Variants in PCDH15 observed in about 807,000 individuals in gnomAD.
PCDH15 encodes protocadherin-15.
Under a neutral mutation model 178.5 loss-of-function variants are expected in PCDH15, and 129 were observed. That is an observed-to-expected ratio of 0.72 (90% CI 0.63 to 0.84). PCDH15 has a LOEUF of 0.84. Ranked by LOEUF, PCDH15 falls within the 40% of genes least tolerant of loss-of-function variation. PCDH15 has a pLI of 0.00. For synonymous variants in PCDH15, 800 were observed against 732.0 expected (o/e 1.09, Z -1.50); for missense variants, 2,230 against 2,099.9 (o/e 1.06, Z -1.21).
intron 18 of PCDH15, among the ~76,000 whole-genome samples, chr10:54,027,443 T>A (rs1420865754): frequency 6.6e-6 from 1 of 152,058 alleles, no homozygotes. Context: ...AAAACTACTT[T>A]AAAGTTCATA....
chr10:54,904,170 CT>C (rs1207465886), intron 2 of PCDH15, among the ~76,000 whole-genome samples: 2 of 152,034 alleles, frequency 1.3e-5, no homozygotes, highest in African/African-American at 4.8e-5. Flanking sequence ...TTGTTTCCCC[CT>C]CTCTTCCTTT....
chr10:54,412,010 AC>A (rs1379154176), intron 3 of PCDH15, among the ~76,000 whole-genome samples: 6 of 152,052 alleles, frequency 3.9e-5, no homozygotes, highest in Non-Finnish European at 8.8e-5. Flanking sequence ...ACTTAGGGTG[AC>A]CTGTGCACAT....
intron 2 of PCDH15, among the ~76,000 whole-genome samples, chr10:55,526,135 G>A (rs1339636099): frequency 6.6e-6 from 1 of 151,840 alleles, no homozygotes; most frequent in East Asian, 1.9e-4. Context: ...CTGTGGACTG[G>A]AATAGGTTTT....
intron 2 of PCDH15, among the ~76,000 whole-genome samples, chr10:54,615,241 G>A (rs1004856186): frequency 5.9e-5 from 9 of 151,968 alleles, no homozygotes; most frequent in Non-Finnish European, 7.4e-5. Context: ...ATAGAAGGGG[G>A]TTATTTCTAT....
chr10:53,977,414 G>T (rs2090271396), intron 21 of PCDH15, among the ~76,000 whole-genome samples: 1 of 152,176 alleles, frequency 6.6e-6, no homozygotes, highest in African/African-American at 2.4e-5. Context: ...GCTGCATGTG[G>T]CCTATGGGCC....
Position 53,810,624 on chromosome 10 carries a change from G to A in PCDH15, c.4603C>T (p.Pro1535Ser). ...CCATATTCCTCCTGTCCAGCTGGTG[G>A]TAACAATCGACGGCGACTCCCATAT... The part of the protein sequence containing the change: ...PQYGSRRRLL[P>S]PAGQEEYGEV... Residue 1535 changes from proline to serine, a missense_variant, in exon 37 of 38, where the codon CCA (proline) becomes TCA (serine). Physicochemically the swap from Pro to Ser is moderately conservative, Grantham distance 74 (BLOSUM62 -1). Transcript: ENST00000644397. 1 of 1,613,744 alleles carries A rather than the reference G, an allele frequency of 6.2e-7. No homozygotes were observed. Among genetic ancestry groups the A allele is most frequent in the Non-Finnish European group, 8.5e-7 (1 of 1,179,796 alleles).
chr10:53,994,037 A>C (rs180978154), intron 21 of PCDH15, among the ~76,000 whole-genome samples: 1 of 152,256 alleles, frequency 6.6e-6, no homozygotes, highest in Non-Finnish European at 1.5e-5. Flanking sequence ...AATTTTATTT[A>C]AAAGAGCTTC....
At chr10:55,060,097 C>A (rs1263552320) in intron 2 of PCDH15, among the ~76,000 whole-genome samples, 1 of 151,912 alleles carries the variant, frequency 6.6e-6, no homozygotes, top group Non-Finnish European at 1.5e-5. Context: ...TAATAGAATA[C>A]ACATAAAATA....
rs117834718 is a variant in PCDH15 at position 54,665,174 on chromosome 10, C to A, written c.-28-884G>T. Among the ~76,000 whole-genome samples the A allele has an allele frequency of 6.7e-3, 1,013 of 151,782 alleles. 7 individuals carry two copies. The highest frequency in any genetic ancestry group is 0.01 in the Non-Finnish European group (684 of 67,922). On this transcript the variant is annotated intron_variant, in intron 1 of 37. Transcript: ENST00000644397. Reference sequence around the variant, plus strand: ...AAAAGAATGAATTAGCCAAAGGGGACAATAGTGATGGTAGAGGCTGTGATA... The same window carrying A: ...AAAAGAATGAATTAGCCAAAGGGGAAAATAGTGATGGTAGAGGCTGTGATA...
At chr10:54,198,042 A>C (rs1224385249) in intron 10 of PCDH15, among the ~76,000 whole-genome samples, 1 of 152,200 alleles carries the variant, frequency 6.6e-6, no homozygotes, top group Admixed American at 6.5e-5. Flanking sequence ...AGCCCATGGC[A>C]CAAAACGCTT....
intron 2 of PCDH15, among the ~76,000 whole-genome samples, chr10:55,582,618 A>ATTTT (rs1182758362): frequency 2.7e-4 from 24 of 88,122 alleles, no homozygotes; most frequent in African/African-American, 1.1e-3. Flanking sequence ...ATATATATAT[A>ATTTT]TATATATATA....
chr10:55,272,351 C>T (rs1440277223), intron 1 of PCDH15, among the ~76,000 whole-genome samples: 3 of 148,428 alleles, frequency 2.0e-5, no homozygotes, highest in Non-Finnish European at 4.5e-5. Context: ...TTTTATTGTG[C>T]CTTATTTTAT....
rs138299477 is a variant in PCDH15, at chr10:54,236,864, G to T, written c.944C>A (p.Pro315Gln). Residue 315 changes from proline (P) to glutamine (Q), a missense_variant, in exon 9 of 38, where the codon CCG (proline) becomes CAG (glutamine). Coordinates refer to ENST00000644397, the MANE Select transcript of PCDH15 (RefSeq NM_001384140.1). ...QAIDQDRNIQ[P>Q]PSDRPGILYS... ...GAGGATTCCTGGCCTATCTGATGGC[G>T]GTTGAATATTCCGGTCCTGATCAAT... The T allele has an allele frequency of 6.2e-7, 1 of 1,613,470 alleles. No individual in the cohort carries two copies. Among genetic ancestry groups the T allele is most frequent in the Admixed American group, 1.7e-5 (1 of 59,954 alleles).
At chr10:54,099,477 C>A (rs1194972190) in intron 15 of PCDH15, among the ~76,000 whole-genome samples, 3 of 111,386 alleles carry the variant, frequency 2.7e-5, no homozygotes, top group Non-Finnish European at 5.0e-5. Context: ...CCAACCTCAG[C>A]GACAGAGCGA....
chr10:55,469,647 C>A (rs1214465032), intron 2 of PCDH15, among the ~76,000 whole-genome samples: 1 of 151,894 alleles, frequency 6.6e-6, no homozygotes, highest in African/African-American at 2.4e-5. Flanking sequence ...TGAATGTTAT[C>A]ATCCCTATAA....
At chr10:54,743,995 A>G (rs899791389) in intron 1 of PCDH15, among the ~76,000 whole-genome samples, 5 of 152,016 alleles carry the variant, frequency 3.3e-5, no homozygotes, top group Admixed American at 2.6e-4. Context: ...ATCACACTTG[A>G]GCTTAATCAC....
At chr10:55,599,696 C>T in intron 2 of PCDH15, 1 of 358,346 alleles carries the variant, frequency 2.8e-6, no homozygotes, top group South Asian at 9.2e-5. Context: ...TATTTTAACC[C>T]AATACAGTCA....
In PCDH15 at chr10:54,378,908, C is replaced by T; in HGVS notation, c.192G>A (p.Gly64=). 1.2e-6 allele frequency: 2 copies of T among 1,613,778 alleles called. No individual in the cohort carries two copies. The highest frequency in any genetic ancestry group is 1.7e-6 in the Non-Finnish European group (2 of 1,179,804). Reference sequence around the variant, plus strand: ...TGGTGGGGTCTGGTCCTCCAGCAGTCCCTTTGATCAGCATGTTGTCCACCA... The same window carrying T: ...TGGTGGGGTCTGGTCCTCCAGCAGTTCCTTTGATCAGCATGTTGTCCACCA... ...TILVDNMLIK[G]TAGGPDPTIE... Residue 64 remains glycine, a synonymous_variant, in exon 4 of 38, where the codon GGG becomes GGA. Coordinates refer to ENST00000644397, the MANE Select transcript of PCDH15 (RefSeq NM_001384140.1).
At chr10:55,190,333 A>C (rs1216714388) in intron 1 of PCDH15, among the ~76,000 whole-genome samples, 3 of 151,722 alleles carry the variant, frequency 2.0e-5, no homozygotes, top group Non-Finnish European at 4.4e-5. Context: ...TGGAGTGCAC[A>C]CATGCACAAT....
Sources: gnomAD v4.1 joint callset for allele counts (sites outside exome capture counted in the v4.1 genomes callset) on GRCh38, gnomAD v4.1.1 for gene constraint, MANE v1.5 for transcripts, NCBI Gene and HGNC (gene_info 2026-07-23, HGNC 2026-07-21) for gene names.